Variants in CTNNA2 observed in about 807,000 individuals in gnomAD.
CTNNA2 encodes catenin alpha 2, also known as catenin alpha-2.
A neutral mutation model predicts 101.0 loss-of-function variants in CTNNA2; 42 were observed. The observed-to-expected ratio is 0.42, with a 90% confidence interval of 0.32 to 0.54. CTNNA2 has a LOEUF of 0.54. CTNNA2 is among the 20% of genes least tolerant of loss of function. The pLI, the probability that CTNNA2 is intolerant of heterozygous loss-of-function variation, is 0.14. For synonymous variants in CTNNA2, 450 were observed against 456.4 expected (o/e 0.99, Z 0.18); for missense variants, 871 against 1,223.1 (o/e 0.71, Z 4.29).
At chr2:79,281,140 A>AG (rs1675368924) in intron 2 of CTNNA2, among the ~76,000 whole-genome samples, 1 of 152,062 alleles carries the variant, frequency 6.6e-6, no homozygotes. Flanking sequence ...AACTAAACCA[A>AG]GAACCATCCT....
intron 7 of CTNNA2, among the ~76,000 whole-genome samples, chr2:80,126,365 G>C (rs747007714): frequency 2.0e-5 from 3 of 151,868 alleles, no homozygotes; most frequent in African/African-American, 4.8e-5. Flanking sequence ...CCTCCCCATA[G>C]AGTGAAAGTT....
At chr2:79,749,218 C>T (rs933908815) in intron 3 of CTNNA2, among the ~76,000 whole-genome samples, 5 of 152,040 alleles carry the variant, frequency 3.3e-5, no homozygotes, top group Non-Finnish European at 5.9e-5. Context: ...TCTAGGTGGG[C>T]CACTCCCAGA....
chr2:80,022,613 A>T (rs1018587512), intron 7 of CTNNA2, among the ~76,000 whole-genome samples: 18 of 152,102 alleles, frequency 1.2e-4, no homozygotes, highest in African/African-American at 4.3e-4. Flanking sequence ...AAATAAAGTT[A>T]AAAAATAAGA....
At chr2:80,179,142 T>C (rs1477322516) in intron 7 of CTNNA2, among the ~76,000 whole-genome samples, 1 of 152,204 alleles carries the variant, frequency 6.6e-6, no homozygotes, top group African/African-American at 2.4e-5. Context: ...TGAAAAGGAA[T>C]GGCATTTGCC....
At chr2:79,985,627 C>T (rs779139755) in intron 7 of CTNNA2, among the ~76,000 whole-genome samples, 4 of 152,162 alleles carry the variant, frequency 2.6e-5, no homozygotes, top group African/African-American at 7.2e-5. Context: ...TCACATTAAT[C>T]GATGCATTAA....
intron 2 of CTNNA2, among the ~76,000 whole-genome samples, chr2:79,280,663 A>AGAGAGAGAGAGAG (rs1238782976): frequency 8.7e-4 from 43 of 49,320 alleles, no homozygotes; most frequent in East Asian, 2.4e-3. Flanking sequence ...GTGTAAGAGA[A>AGAGAGAGAGAGAG]AGAGAGAGAG....
chr2:80,633,149 A>C (rs533211751), intron 18 of CTNNA2, among the ~76,000 whole-genome samples: 2 of 152,184 alleles, frequency 1.3e-5, no homozygotes, highest in Non-Finnish European at 2.9e-5. Context: ...GTTCTTATAA[A>C]TTATATTATC....
At chr2:80,046,208 G>A (rs1417860910) in intron 7 of CTNNA2, among the ~76,000 whole-genome samples, 1 of 152,186 alleles carries the variant, frequency 6.6e-6, no homozygotes, top group Non-Finnish European at 1.5e-5. Context: ...GGAAGTTGCT[G>A]AGAAGTGTGC....
intron 9 of CTNNA2, among the ~76,000 whole-genome samples, chr2:80,527,080 T>C (rs1343010184): frequency 1.3e-5 from 2 of 152,232 alleles, no homozygotes; most frequent in Admixed American, 6.5e-5. Flanking sequence ...AATGTGCTTT[T>C]TGTGTCAAAA....
chr2:80,401,343 T>C (rs1678530302), intron 8 of CTNNA2, among the ~76,000 whole-genome samples: 1 of 152,158 alleles, frequency 6.6e-6, no homozygotes, highest in Non-Finnish European at 1.5e-5. Context: ...TGTCTCTGGT[T>C]CCATTGTCTC....
At chr2:79,900,941 C>T (rs1400272114) in intron 6 of CTNNA2, among the ~76,000 whole-genome samples, 1 of 151,788 alleles carries the variant, frequency 6.6e-6, no homozygotes, top group Non-Finnish European at 1.5e-5. Flanking sequence ...TACTATGTAG[C>T]CTTAAAGACT....
rs372197515 is a variant in CTNNA2 at position 79,210,272 on chromosome 2, A to C, written c.-406+12196A>C. Among the ~76,000 whole-genome samples the C allele has an allele frequency of 2.6e-4, 40 of 152,320 alleles. 1 individual carries two copies. In the South Asian group the frequency reaches 8.3e-3, roughly 32 times the overall value. On this transcript the variant is annotated intron_variant, in intron 2 of 21. Coordinates refer to the CTNNA2 transcript ENST00000466387. ...TAAGAGACTTTTTTCTTAAAAAGAC[A>C]AGGATTTGAGGGAACAGCTTAAATA...
chr2:79,844,773 G>A (rs1414918521), intron 3 of CTNNA2, among the ~76,000 whole-genome samples: 1 of 152,088 alleles, frequency 6.6e-6, no homozygotes, highest in Non-Finnish European at 1.5e-5. Context: ...ATATGAGGCC[G>A]AAGGACTGCT....
At chr2:79,562,439 CTTAG>C (rs568362296) in intron 1 of CTNNA2, among the ~76,000 whole-genome samples, 67 of 152,024 alleles carry the variant, frequency 4.4e-4, no homozygotes, top group African/African-American at 1.4e-3. Context: ...CATTTATGTT[CTTAG>C]TTAATCATCT....
At chr2:80,441,728 G>A (rs1474201596) in intron 9 of CTNNA2, among the ~76,000 whole-genome samples, 2 of 152,154 alleles carry the variant, frequency 1.3e-5, no homozygotes, top group Non-Finnish European at 2.9e-5. Flanking sequence ...TAAAGAAATG[G>A]AGACAGAATG....
chr2:80,071,908 T>G lies in CTNNA2; in HGVS notation c.1056+162111T>G, dbSNP rs553336156. On this transcript the variant is annotated intron_variant, in intron 7 of 18. Transcript: ENST00000402739. ...AACTTGCAAATGAAAATAGTAAAGT[T>G]TATCTCCTGCAGAGTTATTGGAAGA... Among the ~76,000 whole-genome samples the G allele has an allele frequency of 2.7e-4, 41 of 152,286 alleles. 1 individual carries two copies. Among genetic ancestry groups the G allele is most frequent in the Admixed American group, 2.0e-3 (31 of 15,286 alleles).
At chr2:80,214,664 G>A (rs1017174905) in intron 7 of CTNNA2, among the ~76,000 whole-genome samples, 8 of 151,998 alleles carry the variant, frequency 5.3e-5, no homozygotes, top group African/African-American at 1.9e-4. Context: ...TGGGTAACCC[G>A]ACCTCTCTCT....
At position 80,424,170 on chromosome 2, in the gene CTNNA2, G is replaced by C. The variant is rs536099216; in HGVS notation, c.1290+4569G>C. ...GGGGTTTCACTATGTTGGCCAGGCT[G>C]GTCTCAAACTCCTGACTTTGTGATC... On this transcript the variant is annotated intron_variant, in intron 9 of 18. Coordinates refer to ENST00000402739, the MANE Select transcript of CTNNA2 (RefSeq NM_001282597.3). Among the ~76,000 whole-genome samples, 4 of 152,168 alleles carry C rather than the reference G, an allele frequency of 2.6e-5. No homozygotes were observed. The South Asian group carries it at 8.3e-4, about 32-fold the overall frequency.
At chr2:79,588,315 C>A (rs975573629) in intron 1 of CTNNA2, among the ~76,000 whole-genome samples, 4 of 152,154 alleles carry the variant, frequency 2.6e-5, no homozygotes, top group Non-Finnish European at 5.9e-5. Flanking sequence ...TTCACTTGGA[C>A]GGAGCTTCAG....
Sources: allele counts gnomAD v4.1 joint callset (sites outside exome capture counted in the v4.1 genomes callset), GRCh38; gene constraint gnomAD v4.1.1; transcripts MANE v1.5; gene names NCBI Gene and HGNC (gene_info 2026-07-23, HGNC 2026-07-21).